FRMPD4: variants seen among roughly 807,000 people sequenced by gnomAD.
FRMPD4 encodes the protein FERM and PDZ domain containing 4, also known as FERM and PDZ domain-containing protein 4.
A neutral mutation model predicts 94.1 loss-of-function variants in FRMPD4; 22 were observed. That is an observed-to-expected ratio of 0.23 (90% confidence interval 0.17 to 0.33). The LOEUF (loss-of-function observed/expected upper bound fraction) is 0.33. Ranked by LOEUF, FRMPD4 falls within the 10% of genes least tolerant of loss-of-function variation. FRMPD4 has a pLI of 1.00. For missense variants in FRMPD4, 1,111 were observed against 1,339.9 expected (o/e 0.83, Z 2.67); for synonymous variants, 631 against 548.6 (o/e 1.15, Z -2.10).
At chrX:11,902,388 C>T (rs778467517) in intron 3 of FRMPD4, among the ~76,000 whole-genome samples, 1 of 111,444 alleles carries the variant, frequency 9.0e-6, no homozygotes, top group African/African-American at 3.3e-5. Flanking sequence ...ACATGGCCAC[C>T]TTTGTGCTGT....
chrX:12,446,409 C>G (rs755970253), intron 1 of FRMPD4, among the ~76,000 whole-genome samples: 10 of 111,828 alleles, frequency 8.9e-5, no homozygotes, highest in African/African-American at 3.2e-4. Context: ...TTAGAGCACA[C>G]ATTTTGGGGC....
chrX:12,047,821 T>C (rs2054794146), intron 3 of FRMPD4, among the ~76,000 whole-genome samples: 1 of 112,444 alleles, frequency 8.9e-6, no homozygotes, highest in Admixed American at 9.4e-5. Context: ...GCAAAGGACA[T>C]GTTTTTATTC....
intron 3 of FRMPD4, among the ~76,000 whole-genome samples, chrX:11,922,540 T>G (rs2054063259): frequency 8.9e-6 from 1 of 111,988 alleles, no homozygotes; most frequent in South Asian, 3.8e-4. Context: ...GAGCCCTGCA[T>G]GGGCTACCAC....
intron 1 of FRMPD4, among the ~76,000 whole-genome samples, chrX:12,256,855 A>G (rs891540619): frequency 2.7e-5 from 3 of 112,182 alleles, no homozygotes; most frequent in Non-Finnish European, 1.9e-5. Flanking sequence ...ACACCAGTGT[A>G]CTTAGGCATT....
Position 12,332,203 on chromosome X carries a change from TATATAGAG to T in FRMPD4, c.42-166475_42-166468del, listed in dbSNP as rs1452797036. The stretch of plus-strand genomic sequence containing the variant: ...ATAATTTATATTTTATATATATATA[TATATAGAG>T]AGAGAGAGAGAGAGAGAGAGAGAGA... On this transcript the variant is annotated intron_variant, in intron 1 of 16. Transcript: ENST00000675598. Among the ~76,000 whole-genome samples, 92 of 67,906 alleles carry T rather than the reference TATATAGAG, an allele frequency of 1.4e-3. 1 individual carries two copies. Among genetic ancestry groups the T allele is most frequent in the Middle Eastern group, 0.013 (2 of 150 alleles). The allele number at this position is 67,906 out of a possible 115,157, so 59.0% of individuals were successfully genotyped here. A position where few individuals can be genotyped will look rare whatever the true frequency, so the allele number is the denominator to read the frequency against.
intron 2 of FRMPD4, among the ~76,000 whole-genome samples, chrX:12,503,195 T>G (rs2057942973): frequency 9.0e-6 from 1 of 111,064 alleles, no homozygotes; most frequent in Admixed American, 9.6e-5. Context: ...CAAGTTAGAG[T>G]CTGGGGATAG....
intron 3 of FRMPD4, among the ~76,000 whole-genome samples, chrX:12,105,346 A>C (rs2055287925): frequency 8.9e-6 from 1 of 112,297 alleles, no homozygotes; most frequent in Non-Finnish European, 1.9e-5. Flanking sequence ...CATGGTTTTG[A>C]TTTATTAATC....
At chrX:11,965,572 T>C (rs1022600451) in intron 3 of FRMPD4, among the ~76,000 whole-genome samples, 1 of 112,163 alleles carries the variant, frequency 8.9e-6, no homozygotes, top group African/African-American at 3.2e-5. Flanking sequence ...TCTCATTGTC[T>C]GATTCTGTAA....
intron 3 of FRMPD4, among the ~76,000 whole-genome samples, chrX:12,031,380 A>T (rs1376445098): frequency 1.8e-5 from 2 of 112,647 alleles, no homozygotes; most frequent in African/African-American, 6.4e-5. Context: ...TGTCCAGAAC[A>T]AAAGCTCAAA....
At chrX:12,418,746 A>G (rs1285194918) in intron 1 of FRMPD4, among the ~76,000 whole-genome samples, 1 of 111,867 alleles carries the variant, frequency 8.9e-6, no homozygotes, top group African/African-American at 3.3e-5. Flanking sequence ...TGCTGAACCC[A>G]GAACCCAGAC....
intron 1 of FRMPD4, among the ~76,000 whole-genome samples, chrX:12,409,842 A>C (rs1042103363): frequency 9.0e-6 from 1 of 111,591 alleles, no homozygotes; most frequent in Admixed American, 9.5e-5. Context: ...GGTAGGGGCA[A>C]AAAGGTACCA....
chrX:12,281,062 C>T (rs770093645), intron 1 of FRMPD4, among the ~76,000 whole-genome samples: 4 of 112,232 alleles, frequency 3.6e-5, no homozygotes, highest in Non-Finnish European at 5.6e-5. Context: ...CCAAGCATTA[C>T]TGTGGGAAAA....
intron 6 of FRMPD4, among the ~76,000 whole-genome samples, chrX:12,684,237 T>C (rs984150318): frequency 4.4e-5 from 5 of 112,530 alleles, no homozygotes; most frequent in Admixed American, 9.4e-5. Flanking sequence ...TACTGAAGTG[T>C]TTTCAGTTTT....
intron 1 of FRMPD4, among the ~76,000 whole-genome samples, chrX:12,330,975 A>T (rs975911766): frequency 8.9e-6 from 1 of 111,749 alleles, no homozygotes; most frequent in East Asian, 2.8e-4. Context: ...GCCAGATAGT[A>T]ACTATTTTAG....
chrX:11,985,421 C>T (rs1263346261), intron 3 of FRMPD4, among the ~76,000 whole-genome samples: 2 of 112,207 alleles, frequency 1.8e-5, no homozygotes, highest in Non-Finnish European at 3.8e-5. Context: ...ACACAGTGGG[C>T]CTTGGGTGAG....
chrX:12,194,468 A>G (rs1217960388), intron 1 of FRMPD4, among the ~76,000 whole-genome samples: 1 of 109,931 alleles, frequency 9.1e-6, no homozygotes, highest in Non-Finnish European at 1.9e-5. Flanking sequence ...AAAATCTTTC[A>G]TGTTAATCAC....
chrX:12,004,764 G>T (rs1270295235), intron 3 of FRMPD4, among the ~76,000 whole-genome samples: 1 of 106,830 alleles, frequency 9.4e-6, no homozygotes, highest in East Asian at 2.9e-4. Context: ...AGGGGTAAAC[G>T]TTCTGTCCAG....
At chrX:12,092,797 C>A (rs1420080813) in intron 3 of FRMPD4, among the ~76,000 whole-genome samples, 1 of 111,573 alleles carries the variant, frequency 9.0e-6, no homozygotes, top group Non-Finnish European at 1.9e-5. Flanking sequence ...AAAGCCTCAA[C>A]TCCAAGACCC....
At chrX:12,193,817 AGG>A (rs2056528808) in intron 1 of FRMPD4, among the ~76,000 whole-genome samples, 1 of 33,199 alleles carries the variant, frequency 3.0e-5, no homozygotes, top group African/African-American at 1.8e-4. Context: ...GAAGGAAGGA[AGG>A]AAGGAAGGAG....
Sources: allele counts gnomAD v4.1 joint callset (sites outside exome capture counted in the v4.1 genomes callset), GRCh38; gene constraint gnomAD v4.1.1; transcripts MANE v1.5; gene names NCBI Gene and HGNC (gene_info 2026-07-23, HGNC 2026-07-21).